Variants in SNTG2 observed in about 807,000 individuals in gnomAD.
SNTG2 encodes syntrophin gamma 2.
In SNTG2, 74 loss-of-function variants were observed where a neutral mutation model predicts 70.9. The observed-to-expected ratio is 1.04, with a 90% CI of 0.86 to 1.27. SNTG2 has a LOEUF of 1.27. Among genes scored for constraint, SNTG2 ranks in the 50% most tolerant of loss-of-function variants. The pLI, the probability that SNTG2 is intolerant of heterozygous loss-of-function variation, is 0.00. For missense variants in SNTG2, 717 were observed against 690.7 expected (o/e 1.04, Z -0.43); for synonymous variants, 278 against 273.8 (o/e 1.02, Z -0.15).
chr2:1,223,549 C>T (rs1228389821), intron 9 of SNTG2, among the ~76,000 whole-genome samples: 2 of 152,202 alleles, frequency 1.3e-5, no homozygotes, highest in African/African-American at 4.8e-5. Flanking sequence ...TTACCATGAA[C>T]CCCTCACCTC....
At chr2:1,354,264 G>A (rs1481039909) in intron 16 of SNTG2, among the ~76,000 whole-genome samples, 1 of 143,828 alleles carries the variant, frequency 7.0e-6, no homozygotes, top group Non-Finnish European at 1.5e-5. Context: ...TGGGTGTTCC[G>A]TGGCAGAGCG....
intron 7 of SNTG2, among the ~76,000 whole-genome samples, chr2:1,165,860 T>G (rs1026016853): frequency 8.5e-5 from 13 of 152,222 alleles, no homozygotes; most frequent in African/African-American, 2.7e-4. Flanking sequence ...AGACCGTGCT[T>G]CTCGACTGTG....
At chr2:982,136 G>A (rs1661124437) in intron 1 of SNTG2, among the ~76,000 whole-genome samples, 1 of 152,034 alleles carries the variant, frequency 6.6e-6, no homozygotes, top group Admixed American at 6.6e-5. Context: ...CCTGAATCTT[G>A]GTCTTTCCAT....
chr2:1,310,732 G>A (rs551407835), intron 15 of SNTG2, among the ~76,000 whole-genome samples: 5 of 152,232 alleles, frequency 3.3e-5, no homozygotes, highest in South Asian at 4.2e-4. Context: ...TCAATGCCAG[G>A]CACAGTCAGG....
At chr2:1,157,068 C>G (rs952934507) in intron 6 of SNTG2, among the ~76,000 whole-genome samples, 7 of 152,194 alleles carry the variant, frequency 4.6e-5, no homozygotes, top group African/African-American at 1.7e-4. Flanking sequence ...ACTCAGCATA[C>G]CCCATGTGCA....
intron 1 of SNTG2, among the ~76,000 whole-genome samples, chr2:961,578 A>G (rs1301327541): frequency 6.6e-6 from 1 of 152,222 alleles, no homozygotes; most frequent in African/African-American, 2.4e-5. Flanking sequence ...TTTCTGCAAT[A>G]TCTTTTAATG....
At chr2:1,211,118 T>G (rs544566968) in intron 9 of SNTG2, among the ~76,000 whole-genome samples, 11 of 152,338 alleles carry the variant, frequency 7.2e-5, no homozygotes, top group African/African-American at 2.6e-4. Context: ...TTGTAAAATA[T>G]AGCAGAATGT....
intron 13 of SNTG2, among the ~76,000 whole-genome samples, chr2:1,264,693 C>T (rs1438119743): frequency 1.3e-5 from 2 of 150,252 alleles, no homozygotes; most frequent in African/African-American, 2.4e-5. Flanking sequence ...GTGATTTTCT[C>T]AATAACATTC....
At chr2:1,308,099 G>A (rs549303647) in intron 14 of SNTG2, among the ~76,000 whole-genome samples, 2 of 152,266 alleles carry the variant, frequency 1.3e-5, no homozygotes, top group African/African-American at 4.8e-5. Context: ...ATGCTTGTGG[G>A]CCTCATGCAA....
intron 1 of SNTG2, among the ~76,000 whole-genome samples, chr2:988,205 C>T (rs1232657362): frequency 6.6e-6 from 1 of 152,212 alleles, no homozygotes; most frequent in African/African-American, 2.4e-5. Flanking sequence ...GGGACCGAGG[C>T]GTGGACACTC....
intron 1 of SNTG2, among the ~76,000 whole-genome samples, chr2:1,061,959 AAG>A (rs1025425109): frequency 9.8e-5 from 15 of 152,350 alleles, no homozygotes; most frequent in African/African-American, 3.6e-4. Context: ...ATCTATAACA[AAG>A]AAATATGTAT....
chr2:1,363,722 C>A (rs1661324237), intron 16 of SNTG2, among the ~76,000 whole-genome samples: 1 of 152,188 alleles, frequency 6.6e-6, no homozygotes, highest in Non-Finnish European at 1.5e-5. Flanking sequence ...TTCAAGATAG[C>A]CTTGCTGGTA....
chr2:1,217,120 C>CT (rs566622937), intron 9 of SNTG2, among the ~76,000 whole-genome samples: 169 of 151,392 alleles, frequency 1.1e-3, no homozygotes, highest in Non-Finnish European at 2.0e-3. Context: ...TTTCTCAGTT[C>CT]TTTTTTTAAA....
At chr2:1,111,434 C>A (rs971666187) in intron 4 of SNTG2, among the ~76,000 whole-genome samples, 3 of 152,158 alleles carry the variant, frequency 2.0e-5, no homozygotes, top group African/African-American at 7.2e-5. Context: ...GAGATTAGGA[C>A]CGCAGGTGTG....
chr2:1,205,660 C>T (rs1359853094), intron 8 of SNTG2, among the ~76,000 whole-genome samples: 1 of 152,214 alleles, frequency 6.6e-6, no homozygotes, highest in Non-Finnish European at 1.5e-5. Flanking sequence ...CCTTCATCTC[C>T]AGGCAGCTCA....
At chr2:1,202,634 T>A (rs2147972256) in intron 8 of SNTG2, among the ~76,000 whole-genome samples, 1 of 152,288 alleles carries the variant, frequency 6.6e-6, no homozygotes, top group East Asian at 1.9e-4. Flanking sequence ...GTTGTCAGAC[T>A]GGATTTTTAA....
At chr2:1,014,477 G>A (rs1572222168) in intron 1 of SNTG2, among the ~76,000 whole-genome samples, 5 of 90,964 alleles carry the variant, frequency 5.5e-5, no homozygotes, top group Admixed American at 2.2e-4. Context: ...GATTTATAAG[G>A]ACAGAGAGAA....
intron 10 of SNTG2, among the ~76,000 whole-genome samples, chr2:1,238,748 G>T (rs2148108664): frequency 6.6e-6 from 1 of 152,312 alleles, no homozygotes; most frequent in Non-Finnish European, 1.5e-5. Context: ...AAGCTGAGTT[G>T]CCCTGTAATT....
chr2:975,113 A>C (rs1361143155), intron 1 of SNTG2, among the ~76,000 whole-genome samples: 2 of 151,794 alleles, frequency 1.3e-5, no homozygotes, highest in Non-Finnish European at 2.9e-5. Flanking sequence ...ACCACACCAC[A>C]CACTTGCACT....
Sources: gnomAD v4.1 joint callset for allele counts (sites outside exome capture counted in the v4.1 genomes callset) on GRCh38, gnomAD v4.1.1 for gene constraint, MANE v1.5 for transcripts, NCBI Gene and HGNC (gene_info 2026-07-23, HGNC 2026-07-21) for gene names.